KMO: variants seen among roughly 807,000 people sequenced by gnomAD.
The protein encoded by KMO is kynurenine 3-hydroxylase.
KMO carries 24 observed loss-of-function variants against 57.8 expected under a neutral mutation model. The ratio of observed to expected loss-of-function variants is 0.42; its 90% confidence interval spans 0.30 to 0.58. KMO has a LOEUF of 0.58. Ranked by LOEUF, KMO falls within the 20% of genes least tolerant of loss-of-function variation. The probability of loss-of-function intolerance (pLI) is 0.22; values close to 1 mark genes in which losing one functional copy is unlikely to be tolerated. For synonymous variants in KMO, 210 were observed against 193.6 expected (o/e 1.08, Z -0.70); for missense variants, 483 against 588.2 (o/e 0.82, Z 1.85).
At chr1:241,587,061 C>G (rs58579071) in intron 11 of KMO, among the ~76,000 whole-genome samples, 1 of 152,084 alleles carries the variant, frequency 6.6e-6, no homozygotes, top group East Asian at 1.9e-4. Context: ...CCTCTGCCTG[C>G]GCCTCCTAGC....
At chr1:241,576,447 G>T in intron 10 of KMO, among the ~76,000 whole-genome samples, 1 of 151,974 alleles carries the variant, frequency 6.6e-6, no homozygotes, top group East Asian at 1.9e-4. Context: ...TTCTTGTAAG[G>T]CTCATTAGGT....
In KMO at chr1:241,532,398, A is replaced by G; in HGVS notation, c.-47A>G. 2 of 1,611,656 alleles carry G rather than the reference A, an allele frequency of 1.2e-6. No homozygotes were observed. Among genetic ancestry groups the G allele is most frequent in the Non-Finnish European group, 1.7e-6 (2 of 1,178,794 alleles). Reference sequence around the variant, plus strand: ...TGTAGGAGACACAGAAATCAGTGTCACTCAGTGACAGAAGCAACAATAATT... The same window carrying G: ...TGTAGGAGACACAGAAATCAGTGTCGCTCAGTGACAGAAGCAACAATAATT... On this transcript the variant is annotated 5_prime_UTR_variant, in exon 1 of 15. Transcript: ENST00000366559.
chr1:241,594,298 T>A lies in KMO; in HGVS notation c.*2145T>A. ...TGAGGCCCAAGAGCATATGGGCAAT[T>A]CGGATTTCCTGCTGGACCACAAGGT... On this transcript the variant is annotated 3_prime_UTR_variant, in exon 15 of 15. Transcript: ENST00000366559. The A allele has an allele frequency of 9.6e-7, 1 of 1,039,076 alleles. No homozygotes were observed. 64.4% of individuals were successfully genotyped at this position (1,039,076 alleles called of 1,614,324 possible).
Position 241,549,702 on chromosome 1 carries a change from T to C in KMO, c.150T>C (p.Arg50=). 1 of 1,613,418 alleles carries C rather than the reference T, an allele frequency of 6.2e-7. No homozygotes were observed. The highest frequency in any genetic ancestry group is 8.5e-7 in the Non-Finnish European group (1 of 1,179,498). ...ATACTCGAGTGGCTACCTTCACACG[T>C]GGAAGAAGCATTAACTTAGCCCTTT... ...REDTRVATFT[R]GRSINLALSH... is the part of the protein sequence containing the mutation. The change falls in exon 3 of 15, where the codon CGT becomes CGC. Residue 50 remains arginine, a synonymous_variant. Transcript: ENST00000366559.
Position 241,556,689 on chromosome 1 carries a change from C to A in KMO, c.361+1029C>A, listed in dbSNP as rs1307098109. ...GGTCAGGAGTTTGAGACCAGCCTGG[C>A]CAATATGGTGAAACCCTGTATCTAC... On this transcript the variant is annotated intron_variant, in intron 5 of 14. Transcript: ENST00000366559. Among the ~76,000 whole-genome samples the A allele has an allele frequency of 2.0e-5, 3 of 152,152 alleles. No individual in the cohort carries two copies. The East Asian group carries it at 5.8e-4, about 29-fold the overall frequency.
In KMO at chr1:241,568,573, T is replaced by C. The variant is rs1662163791; in HGVS notation, c.883T>C (p.Phe295Leu). ...MISVKCSSFH[F>L]KSHCVLLGDA... ...ATCTGTAAAGTGCTCTTCATTTCAC[T>C]TTAAATCTCACTGTGTACTGCTGGG... The change falls in exon 10 of 15, where the codon TTT becomes CTT. Residue 295 changes from phenylalanine (F) to leucine (L), a missense_variant. Around this residue, in one of 3 missense-constraint regions of KMO, gnomAD observed 410 missense variants for 492.3 expected, o/e 0.83. Coordinates refer to ENST00000366559, the MANE Select transcript of KMO (RefSeq NM_003679.5). 6.2e-7 allele frequency: 1 copy of C among 1,614,052 alleles called. No individual in the cohort carries two copies. Among genetic ancestry groups the C allele is most frequent in the African/African-American group, 1.3e-5 (1 of 75,060 alleles).
rs758520519 is a variant in KMO at position 241,593,370 on chromosome 1, G to GAGTC, written c.*1219_*1222dup. ...GTTCATCCTTCTTTAACAGGCTGCT[G>GAGTC]AGTCACTCAGAAATCCTTCAAACAT... On this transcript the variant is annotated 3_prime_UTR_variant, in exon 15 of 15. Coordinates refer to ENST00000366559, the MANE Select transcript of KMO (RefSeq NM_003679.5). 2.3e-6 allele frequency: 1 copy of GAGTC among 441,284 alleles called. No individual in the cohort carries two copies. Among genetic ancestry groups the GAGTC allele is most frequent in the Non-Finnish European group, 4.9e-6 (1 of 204,954 alleles). The allele number at this position is 441,284 out of a possible 1,614,324, so 27.3% of individuals were successfully genotyped here.
At position 241,590,268 on chromosome 1, in the gene KMO, G is replaced by T; in HGVS notation, c.1260+5G>T. On this transcript the variant is annotated splice_donor_5th_base_variant and intron_variant, in intron 14 of 14. Transcript: ENST00000366559. The stretch of plus-strand genomic sequence containing the variant: ...CGTTGGCATTGGCAAAAAAAGGTTG[G>T]AACAGTTACATTTTATTTATTTTTT... 6.2e-7 allele frequency: 1 copy of T among 1,607,308 alleles called. No individual in the cohort carries two copies. The highest frequency in any genetic ancestry group is 1.1e-5 in the South Asian group (1 of 90,840).
intron 6 of KMO, among the ~76,000 whole-genome samples, chr1:241,561,135 A>G (rs1347738109): frequency 6.6e-6 from 1 of 152,028 alleles, no homozygotes; most frequent in Non-Finnish European, 1.5e-5. Flanking sequence ...CAAGCCTCAT[A>G]TCCCACTCTT....
Position 241,555,606 on chromosome 1 carries a change from T to C in KMO, c.313-6T>C. The C allele has an allele frequency of 1.3e-6, 2 of 1,514,680 alleles. No individual in the cohort carries two copies. Among genetic ancestry groups the C allele is most frequent in the Non-Finnish European group, 1.8e-6 (2 of 1,091,800 alleles). 93.8% of individuals were successfully genotyped at this position (1,514,680 alleles called of 1,614,324 possible). A position where few individuals can be genotyped will look rare whatever the true frequency, so the allele number is the denominator to read the frequency against. ...ACAAACAGTATCTACTCTACTTTTCTTGCAGTATATTCTTTCTGTAAGCAG... is the reference window on the plus strand; with the variant it reads ...ACAAACAGTATCTACTCTACTTTTCCTGCAGTATATTCTTTCTGTAAGCAG... On this transcript the variant is annotated splice_polypyrimidine_tract_variant and splice_region_variant and intron_variant, in intron 4 of 14. Coordinates refer to ENST00000366559, the MANE Select transcript of KMO (RefSeq NM_003679.5).
chr1:241,574,064 C>T (rs1478035852), intron 10 of KMO, among the ~76,000 whole-genome samples: 3 of 152,024 alleles, frequency 2.0e-5, no homozygotes, highest in Admixed American at 6.6e-5. Context: ...ATTTGATTCT[C>T]AGTTTGGTTG....
At chr1:241,541,809 A>C (rs1012293223) in intron 1 of KMO, among the ~76,000 whole-genome samples, 1 of 152,330 alleles carries the variant, frequency 6.6e-6, no homozygotes, top group African/African-American at 2.4e-5. Flanking sequence ...TGATATACCC[A>C]AAGATCAAAA....
rs540959078 is a variant in KMO at position 241,572,378 on chromosome 1, A to T, written c.957+3731A>T. On this transcript the variant is annotated intron_variant, in intron 10 of 14. Transcript: ENST00000366559. ...CAAATGTATTAGCATGTAGTTGCTC[A>T]TAATAGTCTCTAATGATCCTTTGAG... Among the ~76,000 whole-genome samples the T allele has an allele frequency of 7.9e-5, 12 of 152,180 alleles. No individual in the cohort carries two copies. The South Asian group carries it at 1.0e-3, about 13-fold the overall frequency.
At chr1:241,539,513 C>G (rs563951965) in intron 1 of KMO, among the ~76,000 whole-genome samples, 1 of 152,186 alleles carries the variant, frequency 6.6e-6, no homozygotes, top group Non-Finnish European at 1.5e-5. Flanking sequence ...AATGTAGGCT[C>G]TCAAAAACAT....
chr1:241,549,266 A>AAAGTAAGTCTGAAAGAAAGAAAGG (rs1348387681), intron 2 of KMO, among the ~76,000 whole-genome samples: 1 of 117,556 alleles, frequency 8.5e-6, no homozygotes. Context: ...AGAAAGAAAG[A>AAAGTAAGTCTGAAAGAAAGAAAGG]AAGGAAGGAA....
At chr1:241,549,201 G>GAAA (rs1558414711) in intron 2 of KMO, among the ~76,000 whole-genome samples, 5 of 93,372 alleles carry the variant, frequency 5.4e-5, no homozygotes, top group African/African-American at 1.8e-4. Context: ...AGAAAGAAAA[G>GAAA]GAAGAAAGAA....
At chr1:241,556,519 G>A (rs1661629529) in intron 5 of KMO, among the ~76,000 whole-genome samples, 1 of 152,164 alleles carries the variant, frequency 6.6e-6, no homozygotes, top group South Asian at 2.1e-4. Context: ...TGTTCACGCT[G>A]ATGAAGAACT....
rs531037252 is a variant in KMO at position 241,592,094 on chromosome 1, T to C, written c.1402T>C (p.Cys468Arg). The change falls in exon 15 of 15, where the codon TGT becomes CGT. Residue 468 changes from cysteine (C) to arginine (R), a missense_variant. This residue lies in a region of KMO where 410 missense variants were observed against 492.3 expected (regional missense o/e 0.83). Coordinates refer to ENST00000366559, the MANE Select transcript of KMO (RefSeq NM_003679.5). ...NWIAHFRNTT[C>R]FPAKAVDSLE... is the part of the protein sequence containing the mutation. ...GATAGCTCACTTCCGGAATACAACA[T>C]GTTTCCCCGCAAAGGCCGTGGACTC... The C allele has an allele frequency of 6.2e-7, 1 of 1,614,018 alleles. No homozygotes were observed. Among genetic ancestry groups the C allele is most frequent in the East Asian group, 2.2e-5 (1 of 44,850 alleles).
chr1:241,565,847 G>A (rs977740742), intron 8 of KMO, among the ~76,000 whole-genome samples: 1 of 152,096 alleles, frequency 6.6e-6, no homozygotes, highest in Admixed American at 6.5e-5. Flanking sequence ...GGGGTCCAGG[G>A]CCTAGTAATA....
Sources: gnomAD v4.1 joint callset for allele counts (sites outside exome capture counted in the v4.1 genomes callset) on GRCh38, gnomAD v4.1.1 for gene constraint, gnomAD v4.1.1 regional missense constraint, MANE v1.5 for transcripts, NCBI Gene and HGNC (gene_info 2026-07-23, HGNC 2026-07-21) for gene names.